Variants in GPKOW observed in about 807,000 individuals in gnomAD.
GPKOW encodes the protein G-patch domain and KOW motifs.
For synonymous variants in GPKOW, 167 were observed against 159.1 expected (o/e 1.05, Z -0.37); for missense variants, 359 against 404.7 (o/e 0.89, Z 0.97).
In GPKOW at chrX:49,123,648, G is replaced by A. The variant is rs2065221628; in HGVS notation, c.75C>T (p.Arg25=). The A allele has an allele frequency of 1.7e-6, 2 of 1,209,847 alleles. No individual in the cohort carries two copies. Among genetic ancestry groups the A allele is most frequent in the East Asian group, 5.9e-5 (2 of 33,711 alleles). Residue 25 remains arginine (R), a synonymous_variant, in exon 1 of 11, where the codon CGC becomes CGT. Coordinates refer to ENST00000156109, the MANE Select transcript of GPKOW (RefSeq NM_015698.6). ...CGGCCAGCCGCCTCCGTGCGGACGTGCGAGTGAAGCCGAATGAAATTGGGG... is the reference window on the plus strand; with the variant it reads ...CGGCCAGCCGCCTCCGTGCGGACGTACGAGTGAAGCCGAATGAAATTGGGG... ...STAPISFGFT[R]TSARRRLADS...
chrX:49,116,385 A>G, intron 6 of GPKOW, 62 bp from the exon 7 acceptor site: 5 of 735,335 alleles, frequency 6.8e-6, no homozygotes, highest in Non-Finnish European at 1.1e-5. Flanking sequence ...ACCAGGACAG[A>G]GCCTCAGTGT....
intron 6 of GPKOW, 84 bp downstream of exon 6, chrX:49,116,946 A>T: frequency 2.3e-6 from 2 of 854,063 alleles, no homozygotes; most frequent in Non-Finnish European, 3.4e-6. Context: ...CCTGCTGCAG[A>T]TCTAAAACCA....
intron 9 of GPKOW, among the ~76,000 whole-genome samples, chrX:49,114,621 A>G (rs1329787917): frequency 1.3e-4 from 13 of 103,284 alleles, no homozygotes; most frequent in African/African-American, 4.2e-4. Flanking sequence ...AAAAAAAGAA[A>G]AAAAAAAAAA....
In GPKOW at chrX:49,119,755, C is replaced by T. The variant is rs1569524528; in HGVS notation, c.516G>A (p.Leu172=). 2 of 1,204,087 alleles carry T rather than the reference C, an allele frequency of 1.7e-6. No individual in the cohort carries two copies. The highest frequency in any genetic ancestry group is 2.2e-6 in the Non-Finnish European group (2 of 888,944). ...VPVEAYGLAM[L]RGMGWKPGEG... ...CGCCAGGTTTCCAGCCCATGCCCCG[C>T]AGCATGGCCAGCCCATAGGCCTCCA... The change falls in exon 4 of 11, where the codon CTG becomes CTA. Residue 172 remains leucine, a synonymous_variant. Transcript: ENST00000156109.
intron 3 of GPKOW, among the ~76,000 whole-genome samples, chrX:49,121,384 C>T (rs5953264): frequency 0.019 from 2,127 of 111,119 alleles, 54 homozygotes; most frequent in African/African-American, 0.066. Flanking sequence ...GCCGAGATCA[C>T]ACCACTTCAC....
intron 4 of GPKOW, 35 bp from the exon 5 acceptor site, chrX:49,117,845 G>A: frequency 1.4e-5 from 13 of 935,538 alleles, no homozygotes; most frequent in Non-Finnish European, 1.9e-5. Context: ...TGGAGAGGAT[G>A]CAACAGTCTT....
rs782123837 is a variant in GPKOW at position 49,123,646 on chromosome X, G to T, written c.77C>A (p.Thr26Lys). ...TAPISFGFTR[T>K]SARRRLADSG... ...GTCGGCCAGCCGCCTCCGTGCGGAC[G>T]TGCGAGTGAAGCCGAATGAAATTGG... Residue 26 changes from threonine to lysine, a missense_variant, in exon 1 of 11, where the codon ACG becomes AAG. By Grantham distance (78) the Thr-to-Lys change is moderately conservative. Transcript: ENST00000156109. 3.3e-6 allele frequency: 4 copies of T among 1,210,013 alleles called. No individual in the cohort carries two copies. The highest frequency in any genetic ancestry group is 4.5e-6 in the Non-Finnish European group (4 of 894,376).
chrX:49,115,687 C>A, intron 9 of GPKOW, 39 bp downstream of exon 9: 3 of 1,136,795 alleles, frequency 2.6e-6, no homozygotes, highest in Non-Finnish European at 3.6e-6. Context: ...CTAAAACACT[C>A]TTCTTGATCA....
rs371502178 is a variant in GPKOW at position 49,117,578 on chromosome X, G to A, written c.780+19C>T. 196 of 1,147,952 alleles carry A rather than the reference G, an allele frequency of 1.7e-4. No homozygotes were observed. Among genetic ancestry groups the A allele is most frequent in the Non-Finnish European group, 1.3e-4 (109 of 839,172 alleles). The allele number at this position is 1,147,952 out of a possible 1,213,427, so 94.6% of individuals were successfully genotyped here. On this transcript the variant is annotated intron_variant, in intron 5 of 10. Coordinates refer to ENST00000156109, the MANE Select transcript of GPKOW (RefSeq NM_015698.6). ...CCCTGCTGCCTGTTTTGGGCTCCCGGGATATCTTGGTTCCTTACCTTCCCA... is the reference window on the plus strand; with the variant it reads ...CCCTGCTGCCTGTTTTGGGCTCCCGAGATATCTTGGTTCCTTACCTTCCCA...
At chrX:49,114,539 AGGT>A (rs2065183780) in intron 9 of GPKOW, among the ~76,000 whole-genome samples, 1 of 95,716 alleles carries the variant, frequency 1.0e-5, no homozygotes, top group Non-Finnish European at 2.0e-5. Context: ...CAGGAATTTG[AGGT>A]GGCAGTGATC....
intron 3 of GPKOW, among the ~76,000 whole-genome samples, chrX:49,120,027 G>A (rs782657417): frequency 1.1e-3 from 122 of 112,236 alleles, no homozygotes; most frequent in Admixed American, 3.5e-3. Flanking sequence ...GGCAAGTACT[G>A]TTCTAGGTAC....
chrX:49,122,611 G>C lies in GPKOW; in HGVS notation c.331+11C>G. ...TCCTTCAATGGGGAAGGGTAAAGGG[G>C]TATCACTCACCCGCAATGAGCTCCT... is the stretch of plus-strand genomic sequence containing the variant. On this transcript the variant is annotated intron_variant, in intron 2 of 10. Transcript: ENST00000156109. 1.7e-6 allele frequency: 2 copies of C among 1,209,539 alleles called. No individual in the cohort carries two copies. Among genetic ancestry groups the C allele is most frequent in the Non-Finnish European group, 2.2e-6 (2 of 893,512 alleles).
intron 3 of GPKOW, among the ~76,000 whole-genome samples, chrX:49,120,816 A>T (rs1447366767): frequency 9.1e-6 from 1 of 110,319 alleles, no homozygotes; most frequent in Non-Finnish European, 1.9e-5. Flanking sequence ...GGCACGTGCC[A>T]CCATGCCCAG....
rs138799430 is a variant in GPKOW, at chrX:49,119,782, G to A, written c.489C>T (p.Pro163=). Residue 163 remains proline (P), a synonymous_variant, in exon 4 of 11, where the codon CCC becomes CCT. Coordinates refer to ENST00000156109, the MANE Select transcript of GPKOW (RefSeq NM_015698.6). ...VPEEANYEAV[P]VEAYGLAMLR... ...GCATGGCCAGCCCATAGGCCTCCAC[G>A]GGGACCGCCTCATAATTAGCCTCCT... The A allele has an allele frequency of 2.0e-5, 24 of 1,196,502 alleles. No individual in the cohort carries two copies. The highest frequency in any genetic ancestry group is 1.9e-4 in the African/African-American group (11 of 57,015).
chrX:49,114,007 G>T, intron 9 of GPKOW, 69 bp from the exon 10 acceptor site: 2 of 731,559 alleles, frequency 2.7e-6, no homozygotes, highest in Non-Finnish European at 4.3e-6. Context: ...TGTCAGAAGG[G>T]CCTTTCCTGG....
In GPKOW at chrX:49,122,717, C is replaced by T. The variant is rs139656078; in HGVS notation, c.236G>A (p.Arg79His). 7 of 1,207,638 alleles carry T rather than the reference C, an allele frequency of 5.8e-6. No individual in the cohort carries two copies. Among genetic ancestry groups the T allele is most frequent in the Non-Finnish European group, 6.7e-6 (6 of 892,748 alleles). The change falls in exon 2 of 11, where the codon CGC becomes CAC. Residue 79 changes from arginine to histidine, a missense_variant. Physicochemically the swap from Arg to His is conservative, Grantham distance 29 (BLOSUM62 0). Coordinates refer to ENST00000156109, the MANE Select transcript of GPKOW (RefSeq NM_015698.6). Reference protein sequence around the residue: ...LVIPLIQNGHRRQPPARPPGP... With the variant: ...LVIPLIQNGHHRQPPARPPGP... ...AGGGGGCCGGGCTGGTGGCTGCCTG[C>T]GATGGCCATTCTGGATCAAAGGGAT...
intron 3 of GPKOW, among the ~76,000 whole-genome samples, chrX:49,120,449 C>G (rs2065209521): frequency 9.0e-6 from 1 of 110,587 alleles, no homozygotes; most frequent in Non-Finnish European, 1.9e-5. Flanking sequence ...AGTCAGAGGA[C>G]CTTGAGCCAG....
rs781938321 is a variant in GPKOW at position 49,117,717 on chromosome X, G to C, written c.660C>G (p.Pro220=). 2.2e-5 allele frequency: 26 copies of C among 1,206,387 alleles called. 1 individual carries two copies. In the South Asian group the frequency reaches 4.1e-4, roughly 19 times the overall value. Reference sequence around the variant, plus strand: ...CCTCATCTGGTCTTGGCATGCGGGAGGGGCCAGTGGGGGTCAAGGCCTGGG... The same window carrying C: ...CCTCATCTGGTCTTGGCATGCGGGACGGGCCAGTGGGGGTCAAGGCCTGGG... ...TEAQALTPTG[P]SRMPRPDEEQ... The change falls in exon 5 of 11, where the codon CCC becomes CCG. Residue 220 remains proline (P), a synonymous_variant. Coordinates refer to ENST00000156109, the MANE Select transcript of GPKOW (RefSeq NM_015698.6).
At chrX:49,116,402 G>A (rs2065194168) in intron 6 of GPKOW, 79 bp from the exon 7 acceptor site, 4 of 644,660 alleles carry the variant, frequency 6.2e-6, no homozygotes, top group Admixed American at 4.9e-5. Context: ...GTGTCTCACT[G>A]CCCTTTCCTT....
Sources: allele counts gnomAD v4.1 joint callset (sites outside exome capture counted in the v4.1 genomes callset), GRCh38; gene constraint gnomAD v4.1.1; transcripts MANE v1.5; gene names NCBI Gene and HGNC (gene_info 2026-07-23, HGNC 2026-07-21).